The following CRACD variants were observed in gnomAD, a reference collection of about 807,000 sequenced individuals.
The protein encoded by CRACD is capping protein-inhibiting regulator of actin dynamics.
Under a neutral mutation model 106.8 loss-of-function variants are expected in CRACD, and 56 were observed. The ratio of observed to expected loss-of-function variants is 0.52; its 90% CI spans 0.42 to 0.66. CRACD has a LOEUF of 0.66. Ranked by LOEUF, CRACD falls within the 30% of genes least tolerant of loss-of-function variation. The pLI is 0.00. For missense variants in CRACD, 1,730 were observed against 1,623.2 expected (o/e 1.07, Z -1.13); for synonymous variants, 754 against 670.8 (o/e 1.12, Z -1.92).
intron 1 of CRACD, chr4:56,049,934 GGTTTTCCTGGCACTA>G (rs1033104717): frequency 1.3e-5 from 2 of 152,048 alleles, no homozygotes; most frequent in African/African-American, 4.8e-5. Flanking sequence ...TTGTTGCGAT[GGTTTTCCTGGCACTA>G]TAACCGTCCT....
chr4:56,155,365 C>T (rs960655756), intron 1 of CRACD, among the ~76,000 whole-genome samples: 4 of 152,042 alleles, frequency 2.6e-5, no homozygotes, highest in Non-Finnish European at 4.4e-5. Flanking sequence ...AATGGGTGGA[C>T]GTAAATAATT....
chr4:56,319,063 T>C (rs1218075890), intron 8 of CRACD, among the ~76,000 whole-genome samples: 1 of 152,152 alleles, frequency 6.6e-6, no homozygotes, highest in Non-Finnish European at 1.5e-5. Context: ...ACTTTCTCTA[T>C]GCCATATGCC....
intron 2 of CRACD, among the ~76,000 whole-genome samples, chr4:56,202,392 G>A (rs1054284275): frequency 2.0e-5 from 3 of 152,134 alleles, no homozygotes; most frequent in Admixed American, 6.6e-5. Context: ...GACTACAGGA[G>A]CCTGCCATCA....
In CRACD at chr4:56,214,638, C is replaced by T. The variant is rs183073922; in HGVS notation, c.-189+35208C>T. Among the ~76,000 whole-genome samples, 194 of 125,998 alleles carry T rather than the reference C, an allele frequency of 1.5e-3. 1 individual carries two copies. Among genetic ancestry groups the T allele is most frequent in the East Asian group, 1.3e-3 (5 of 3,876 alleles). 82.7% of individuals were successfully genotyped at this position (125,998 alleles called of 152,430 possible). On this transcript the variant is annotated intron_variant, in intron 2 of 10. Transcript: ENST00000682029. ...ATCGCACCACTGCCCTCCAGCCTGG[C>T]GACAGAGCTAGACACTCTCTCTCTC... is the stretch of plus-strand genomic sequence containing the variant.
At chr4:56,096,580 G>A (rs936664905) in intron 1 of CRACD, among the ~76,000 whole-genome samples, 1 of 151,984 alleles carries the variant, frequency 6.6e-6, no homozygotes, top group Non-Finnish European at 1.5e-5. Flanking sequence ...TGCACGTGGT[G>A]GAGTGCACCT....
chr4:56,243,428 A>G (rs1740486891), intron 2 of CRACD, among the ~76,000 whole-genome samples: 1 of 152,224 alleles, frequency 6.6e-6, no homozygotes, highest in African/African-American at 2.4e-5. Context: ...ATGTTAGAAG[A>G]GAGAGAAATG....
chr4:56,182,108 C>T (rs1273944127), intron 2 of CRACD, among the ~76,000 whole-genome samples: 1 of 152,160 alleles, frequency 6.6e-6, no homozygotes, highest in Non-Finnish European at 1.5e-5. Flanking sequence ...GGGCTTGACA[C>T]GATGGCTCAC....
intron 1 of CRACD, among the ~76,000 whole-genome samples, chr4:56,078,620 T>G (rs1732920530): frequency 6.6e-6 from 1 of 152,184 alleles, no homozygotes; most frequent in South Asian, 2.1e-4. Flanking sequence ...CTCACTCTGT[T>G]GCCCAGGCTG....
chr4:56,130,160 A>G (rs980131603), intron 1 of CRACD, among the ~76,000 whole-genome samples: 1 of 152,098 alleles, frequency 6.6e-6, no homozygotes, highest in Non-Finnish European at 1.5e-5. Context: ...AGTCCCAGCT[A>G]CTTGGGAGGC....
At chr4:56,278,860 A>G (rs913273318) in intron 3 of CRACD, among the ~76,000 whole-genome samples, 1 of 152,190 alleles carries the variant, frequency 6.6e-6, no homozygotes, top group Non-Finnish European at 1.5e-5. Context: ...CAAAAGATAT[A>G]AAAATATCAA....
At chr4:56,114,952 A>C (rs1560455291) in intron 1 of CRACD, among the ~76,000 whole-genome samples, 1 of 152,184 alleles carries the variant, frequency 6.6e-6, no homozygotes, top group East Asian at 1.9e-4. Flanking sequence ...GATATGCAGG[A>C]AATGTATAAT....
At chr4:56,307,484 G>A in intron 4 of CRACD, 51 bp from the exon 5 acceptor site, 2 of 1,594,504 alleles carry the variant, frequency 1.3e-6, no homozygotes, top group Non-Finnish European at 1.7e-6. Context: ...GGTTGTGGTG[G>A]TTGTGAACTG....
At chr4:56,204,420 G>A (rs954300153) in intron 2 of CRACD, among the ~76,000 whole-genome samples, 8 of 152,180 alleles carry the variant, frequency 5.3e-5, no homozygotes, top group East Asian at 1.9e-4. Flanking sequence ...CCTTCCTGCC[G>A]CATCATCCCA....
At chr4:56,221,170 G>A (rs1273162635) in intron 2 of CRACD, among the ~76,000 whole-genome samples, 1 of 152,126 alleles carries the variant, frequency 6.6e-6, no homozygotes. Context: ...TTTGAAGCAT[G>A]ATCAGATCCG....
chr4:56,235,635 A>G (rs1467581255), intron 2 of CRACD, among the ~76,000 whole-genome samples: 1 of 152,196 alleles, frequency 6.6e-6, no homozygotes, highest in Non-Finnish European at 1.5e-5. Flanking sequence ...AGAAAGTATG[A>G]TCATGTCCAG....
chr4:56,252,986 T>C (rs1183703043), intron 2 of CRACD, among the ~76,000 whole-genome samples: 1 of 152,168 alleles, frequency 6.6e-6, no homozygotes, highest in African/African-American at 2.4e-5. Context: ...TGTTAGTCAC[T>C]CTTCTCAGAA....
intron 1 of CRACD, among the ~76,000 whole-genome samples, chr4:56,078,009 T>G (rs987982441): frequency 6.6e-6 from 1 of 152,216 alleles, no homozygotes; most frequent in Non-Finnish European, 1.5e-5. Flanking sequence ...TGAAAAGATC[T>G]TGTCTCACAA....
intron 1 of CRACD, among the ~76,000 whole-genome samples, chr4:56,060,626 A>G (rs1453108635): frequency 6.6e-6 from 1 of 152,124 alleles, no homozygotes; most frequent in Non-Finnish European, 1.5e-5. Flanking sequence ...GGCCAGGAAC[A>G]ATTTGGAGAG....
intron 1 of CRACD, among the ~76,000 whole-genome samples, chr4:56,161,302 G>T (rs564533238): frequency 1.1e-4 from 17 of 152,014 alleles, no homozygotes; most frequent in African/African-American, 4.1e-4. Context: ...CCTGTGGAAA[G>T]AAAGAACTGT....
Sources: allele counts gnomAD v4.1 joint callset (sites outside exome capture counted in the v4.1 genomes callset), GRCh38; gene constraint gnomAD v4.1.1; transcripts MANE v1.5; gene names NCBI Gene and HGNC (gene_info 2026-07-23, HGNC 2026-07-21).